Variants in FRAS1 observed in about 807,000 individuals in gnomAD.
The protein encoded by FRAS1 is extracellular matrix organizing protein FRAS1.
FRAS1 carries 290 observed loss-of-function variants against 435.2 expected under a neutral mutation model. That is an observed-to-expected ratio of 0.67 (90% CI 0.61 to 0.73). The LOEUF (loss-of-function observed/expected upper bound fraction) is 0.73, where lower values mean the gene tolerates loss of function less well. Ranked by LOEUF, FRAS1 falls within the 30% of genes least tolerant of loss-of-function variation. The pLI is 0.00. For missense variants in FRAS1, 4,860 were observed against 5,001.5 expected (o/e 0.97, Z 0.85); for synonymous variants, 1,800 against 1,851.0 (o/e 0.97, Z 0.71).
intron 9 of FRAS1, among the ~76,000 whole-genome samples, chr4:78,276,966 G>T (rs1238538627): frequency 2.0e-5 from 3 of 152,184 alleles, no homozygotes; most frequent in Admixed American, 6.5e-5. Context: ...GCTCTACCCA[G>T]TTCGAGCTTC....
chr4:78,408,905 C>T (rs992776400), intron 31 of FRAS1, among the ~76,000 whole-genome samples: 1 of 151,980 alleles, frequency 6.6e-6, no homozygotes, highest in African/African-American at 2.4e-5. Flanking sequence ...AGGCAGATTG[C>T]GTCAGTCCAG....
In FRAS1 at chr4:78,540,958, AC is replaced by A; in HGVS notation, c.11876del (p.Pro3959ArgfsTer8). 2 of 1,613,666 alleles carry A rather than the reference AC, an allele frequency of 1.2e-6. No individual in the cohort carries two copies. The highest frequency in any genetic ancestry group is 1.7e-6 in the Non-Finnish European group (2 of 1,179,774). On this transcript the variant is annotated frameshift_variant, in exon 74 of 74. Coordinates refer to ENST00000512123, the MANE Select transcript of FRAS1 (RefSeq NM_025074.7). LOFTEE classifies it high-confidence loss of function. The part of the protein sequence containing the change: ...LNTKVEVPKR[H>X]PDRVEKNVNR... ...ACCAAGGTAGAAGTGCCCAAGAGGC[AC>A]CCGGACCGGGTGGAGAAGAACGTGA...
Position 78,413,005 on chromosome 4 carries a change from A to G in FRAS1, c.4345A>G (p.Ser1449Gly). Residue 1449 changes from serine (S) to glycine (G), a missense_variant, in exon 32 of 74, where the codon AGC becomes GGC. Ser to Gly is a moderately conservative substitution (Grantham distance 56). Transcript: ENST00000512123. The part of the protein sequence containing the change: ...SASNAQTRLE[S>G]HMFNIAILPQ... ...CTCCAATGCCCAGACCCGCCTGGAG[A>G]GCCACATGTTCAACATCGCGATCTT... 1.9e-6 allele frequency: 3 copies of G among 1,609,160 alleles called. No individual in the cohort carries two copies. The highest frequency in any genetic ancestry group is 2.5e-6 in the Non-Finnish European group (3 of 1,177,996).
At chr4:78,422,060 G>A in intron 34 of FRAS1, 60 bp downstream of exon 34, 2 of 1,528,808 alleles carry the variant, frequency 1.3e-6, no homozygotes, top group Non-Finnish European at 1.8e-6. Flanking sequence ...TACATGACAG[G>A]CTCGCCCTAA....
At chr4:78,158,313 T>G (rs948803239) in intron 2 of FRAS1, among the ~76,000 whole-genome samples, 6 of 152,226 alleles carry the variant, frequency 3.9e-5, no homozygotes, top group African/African-American at 1.4e-4. Context: ...TCCATGAGTA[T>G]AAAATGTTTT....
At chr4:78,220,591 G>T (rs1344617892) in intron 2 of FRAS1, among the ~76,000 whole-genome samples, 2 of 152,202 alleles carry the variant, frequency 1.3e-5, no homozygotes, top group African/African-American at 4.8e-5. Flanking sequence ...TTTCTGTATT[G>T]TGGAAAAGGA....
intron 2 of FRAS1, among the ~76,000 whole-genome samples, chr4:78,203,909 C>G (rs867260576): frequency 1.3e-5 from 2 of 152,138 alleles, no homozygotes; most frequent in African/African-American, 4.8e-5. Flanking sequence ...TTTCTGTGGT[C>G]CATTTTGTGC....
chr4:78,412,815 G>T (rs566024658), intron 31 of FRAS1, among the ~76,000 whole-genome samples, 154 bp from the exon 32 acceptor site: 33 of 152,228 alleles, frequency 2.2e-4, no homozygotes, highest in African/African-American at 7.2e-4. Flanking sequence ...ATCAGTAAAA[G>T]ATCAATATTA....
At chr4:78,187,475 C>T (rs1218871451) in intron 2 of FRAS1, among the ~76,000 whole-genome samples, 4 of 152,194 alleles carry the variant, frequency 2.6e-5, no homozygotes, top group Non-Finnish European at 5.9e-5. Context: ...GTCCTACTGT[C>T]TCCCCAGGCA....
chr4:78,229,596 T>C (rs942432358), intron 2 of FRAS1, among the ~76,000 whole-genome samples: 4 of 152,186 alleles, frequency 2.6e-5, no homozygotes, highest in African/African-American at 9.7e-5. Flanking sequence ...CCCTAGTGTG[T>C]CCTGCCTGGG....
chr4:78,255,493 T>C, intron 6 of FRAS1, 118 bp downstream of exon 6: 1 of 1,077,734 alleles, frequency 9.3e-7, no homozygotes. Flanking sequence ...AAGCCCTTTT[T>C]GTTTTCCTCA....
At chr4:78,499,651 G>A (rs1720616379) in intron 60 of FRAS1, 70 bp from the exon 61 acceptor site, 3 of 1,397,262 alleles carry the variant, frequency 2.1e-6, no homozygotes, top group Admixed American at 3.7e-5. Context: ...ATTATAAGGT[G>A]TTTTCCTGGG....
chr4:78,341,405 A>G (rs979852235), intron 20 of FRAS1, among the ~76,000 whole-genome samples: 4 of 152,184 alleles, frequency 2.6e-5, no homozygotes, highest in African/African-American at 9.7e-5. Context: ...GAAGAGAAAG[A>G]TCTGCGGAAG....
chr4:78,485,329 A>G (rs1018789617), intron 58 of FRAS1, among the ~76,000 whole-genome samples: 3 of 152,220 alleles, frequency 2.0e-5, no homozygotes, highest in African/African-American at 7.2e-5. Flanking sequence ...CCAGTAACAT[A>G]TAGAGTCCTC....
intron 20 of FRAS1, among the ~76,000 whole-genome samples, chr4:78,344,213 G>C (rs572409816): frequency 5.3e-5 from 8 of 152,086 alleles, no homozygotes; most frequent in East Asian, 3.9e-4. Flanking sequence ...ATCAGCTCAC[G>C]TTCTCTGTGA....
chr4:78,528,360 T>C (rs1721606945), intron 70 of FRAS1, among the ~76,000 whole-genome samples: 2 of 152,180 alleles, frequency 1.3e-5, no homozygotes, highest in South Asian at 4.1e-4. Flanking sequence ...AGAGACAAGA[T>C]AGGGAACATA....
At chr4:78,179,733 C>A (rs1191562581) in intron 2 of FRAS1, among the ~76,000 whole-genome samples, 38 of 152,076 alleles carry the variant, frequency 2.5e-4, no homozygotes, top group Non-Finnish European at 1.5e-5. Context: ...TGTCTCTAGG[C>A]ATTTAAGGAA....
At chr4:78,187,871 A>G (rs1053314989) in intron 2 of FRAS1, among the ~76,000 whole-genome samples, 1 of 152,116 alleles carries the variant, frequency 6.6e-6, no homozygotes, top group Non-Finnish European at 1.5e-5. Context: ...CCAAAGTGCT[A>G]GGATTGCAGG....
intron 2 of FRAS1, among the ~76,000 whole-genome samples, chr4:78,228,990 A>G (rs1011461254): frequency 2.0e-5 from 3 of 152,178 alleles, no homozygotes; most frequent in Admixed American, 6.5e-5. Flanking sequence ...TTTGAACTCA[A>G]GTTTGCCTAT....
Sources: allele counts gnomAD v4.1 joint callset (sites outside exome capture counted in the v4.1 genomes callset), GRCh38; gene constraint gnomAD v4.1.1; transcripts MANE v1.5; gene names NCBI Gene and HGNC (gene_info 2026-07-23, HGNC 2026-07-21).